The following TMTC2 variants were observed in gnomAD, a reference collection of about 807,000 sequenced individuals.
TMTC2 encodes the protein protein O-mannosyl-transferase TMTC2.
A neutral mutation model predicts 82.4 loss-of-function variants in TMTC2; 43 were observed. That is an observed-to-expected ratio of 0.52 (90% CI 0.41 to 0.67). The LOEUF is 0.67. TMTC2 is among the 30% of genes least tolerant of loss of function. The probability of loss-of-function intolerance (pLI) is 0.00; values close to 1 mark genes in which losing one functional copy is unlikely to be tolerated. For synonymous variants in TMTC2, 408 were observed against 381.9 expected (o/e 1.07, Z -0.80); for missense variants, 919 against 1,012.4 (o/e 0.91, Z 1.25).
At chr12:82,895,014 AC>A (rs1340009356) in intron 2 of TMTC2, among the ~76,000 whole-genome samples, 4 of 140,840 alleles carry the variant, frequency 2.8e-5, no homozygotes, top group Non-Finnish European at 6.1e-5. Context: ...ATGGGGTTTC[AC>A]CACGTTTGCC....
At chr12:82,804,469 G>C (rs1349172796) in intron 1 of TMTC2, among the ~76,000 whole-genome samples, 1 of 152,076 alleles carries the variant, frequency 6.6e-6, no homozygotes, top group Non-Finnish European at 1.5e-5. Context: ...TGGAAGAGGT[G>C]TTACTTCTTC....
intron 3 of TMTC2, among the ~76,000 whole-genome samples, chr12:82,925,198 A>C (rs1387015885): frequency 6.6e-6 from 1 of 152,124 alleles, no homozygotes; most frequent in Non-Finnish European, 1.5e-5. Context: ...ATTTTACATT[A>C]TTTATAACAC....
intron 10 of TMTC2, among the ~76,000 whole-genome samples, chr12:83,055,081 T>A (rs998240904): frequency 6.6e-6 from 1 of 152,008 alleles, no homozygotes; most frequent in Non-Finnish European, 1.5e-5. Flanking sequence ...TCAGGAGCTG[T>A]GCCACCATCA....
In TMTC2 at chr12:83,007,169, T is replaced by C. The variant is rs546387051; in HGVS notation, c.2070+21123T>C. ...AGTGTTGTTGTTATTTTTCTATTGT[T>C]TTTCTATTCTCTCTTTCATTTATTT... On this transcript the variant is annotated intron_variant, in intron 8 of 11. Transcript: ENST00000321196. Among the ~76,000 whole-genome samples, 21 of 152,274 alleles carry C rather than the reference T, an allele frequency of 1.4e-4. No individual in the cohort carries two copies. The South Asian group carries it at 3.7e-3, about 27-fold the overall frequency.
intron 11 of TMTC2, among the ~76,000 whole-genome samples, chr12:83,080,385 C>CTCTCTGTG (rs1555211265): frequency 1.2e-4 from 18 of 150,382 alleles, no homozygotes; most frequent in African/African-American, 4.4e-4. Flanking sequence ...CTCTCTCTCT[C>CTCTCTGTG]TGTGTGTGTG....
At chr12:83,007,856 A>G (rs983745574) in intron 8 of TMTC2, among the ~76,000 whole-genome samples, 1 of 152,152 alleles carries the variant, frequency 6.6e-6, no homozygotes, top group African/African-American at 2.4e-5. Flanking sequence ...GAAAGTTTAT[A>G]GTTCTGCTTC....
intron 8 of TMTC2, among the ~76,000 whole-genome samples, chr12:83,026,537 T>TGG (rs1459410530): frequency 6.6e-6 from 1 of 152,082 alleles, no homozygotes; most frequent in Non-Finnish European, 1.5e-5. Flanking sequence ...ACTACAGAGT[T>TGG]GGGTAGTTGA....
intron 9 of TMTC2, among the ~76,000 whole-genome samples, chr12:83,045,727 G>GGGCTCACA: frequency 7.0e-6 from 1 of 142,538 alleles, no homozygotes; most frequent in East Asian, 2.2e-4. Context: ...ACACACACAC[G>GGGCTCACA]CACACACACA....
At chr12:82,965,491 A>C in intron 5 of TMTC2, 69 bp from the exon 6 acceptor site, 1 of 1,550,522 alleles carries the variant, frequency 6.4e-7, no homozygotes, top group Non-Finnish European at 8.8e-7. Context: ...AAATTGAAAC[A>C]AAGAAAACTT....
At chr12:82,873,213 TTGTGTGTGTGTG>T (rs35177760) in intron 2 of TMTC2, among the ~76,000 whole-genome samples, 23 of 143,532 alleles carry the variant, frequency 1.6e-4, no homozygotes, top group African/African-American at 5.3e-5. Context: ...TTCAAAGATG[TTGTGTGTGTGTG>T]TGTGTGTGTG....
intron 1 of TMTC2, among the ~76,000 whole-genome samples, chr12:82,705,455 C>T (rs1342307121): frequency 2.0e-5 from 3 of 152,100 alleles, no homozygotes; most frequent in African/African-American, 4.8e-5. Context: ...TGTCAGAGGC[C>T]AGAAATGGCC....
chr12:82,947,496 C>A (rs1012125131), intron 4 of TMTC2, among the ~76,000 whole-genome samples: 19 of 150,482 alleles, frequency 1.3e-4, no homozygotes, highest in African/African-American at 2.5e-5. Flanking sequence ...GCGCCCGCCA[C>A]CATGCCCGGC....
At chr12:83,077,880 C>CTTT (rs751044763) in intron 11 of TMTC2, among the ~76,000 whole-genome samples, 24,568 of 92,208 alleles carry the variant, frequency 0.27, 3,599 homozygotes, top group East Asian at 0.44. Flanking sequence ...GACAATCTGT[C>CTTT]TTTTTTTTTT....
intron 1 of TMTC2, among the ~76,000 whole-genome samples, chr12:82,771,491 G>A (rs1379129159): frequency 2.0e-5 from 3 of 152,002 alleles, no homozygotes; most frequent in Admixed American, 6.6e-5. Flanking sequence ...CAATTAGATG[G>A]GCCCCAGTTT....
chr12:82,992,604 G>C (rs140330981), intron 8 of TMTC2, among the ~76,000 whole-genome samples: 3 of 152,110 alleles, frequency 2.0e-5, no homozygotes, highest in African/African-American at 7.2e-5. Context: ...GTACCTGAAC[G>C]TTATGATTTA....
chr12:82,727,125 A>G (rs1347378934), intron 1 of TMTC2, among the ~76,000 whole-genome samples: 1 of 151,860 alleles, frequency 6.6e-6, no homozygotes, highest in Non-Finnish European at 1.5e-5. Flanking sequence ...AAACAACCAG[A>G]AAACTTATAA....
intron 1 of TMTC2, among the ~76,000 whole-genome samples, chr12:82,792,630 C>G (rs1878525429): frequency 6.6e-6 from 1 of 151,934 alleles, no homozygotes; most frequent in African/African-American, 2.4e-5. Flanking sequence ...CCACACCCAG[C>G]TATTTTTTAT....
At chr12:83,088,735 A>G (rs1883744923) in intron 11 of TMTC2, among the ~76,000 whole-genome samples, 1 of 152,228 alleles carries the variant, frequency 6.6e-6, no homozygotes, top group Non-Finnish European at 1.5e-5. Flanking sequence ...CTGACCACAG[A>G]TCATCAGAAC....
At chr12:82,734,227 G>A (rs994146963) in intron 1 of TMTC2, among the ~76,000 whole-genome samples, 3 of 152,164 alleles carry the variant, frequency 2.0e-5, no homozygotes, top group Non-Finnish European at 4.4e-5. Context: ...CCACAAGAGC[G>A]AGCAGGCTTG....
Sources: allele counts gnomAD v4.1 joint callset (sites outside exome capture counted in the v4.1 genomes callset), GRCh38; gene constraint gnomAD v4.1.1; transcripts MANE v1.5; gene names NCBI Gene and HGNC (gene_info 2026-07-23, HGNC 2026-07-21).